SRC: variants seen among roughly 807,000 people sequenced by gnomAD.
SRC encodes the protein SRC proto-oncogene, non-receptor tyrosine kinase, also known as proto-oncogene tyrosine-protein kinase Src.
SRC carries 13 observed loss-of-function variants against 62.9 expected under a neutral mutation model. The observed-to-expected ratio is 0.21, with a 90% CI of 0.13 to 0.33. The LOEUF is 0.33. SRC is among the 10% of genes least tolerant of loss of function. The probability of loss-of-function intolerance (pLI) is 1.00; values close to 1 mark genes in which losing one functional copy is unlikely to be tolerated. For missense variants in SRC, 457 were observed against 737.3 expected (o/e 0.62, Z 4.40); for synonymous variants, 302 against 317.5 (o/e 0.95, Z 0.52).
chr20:37,388,052 A>G (rs1054562461), intron 5 of SRC, among the ~76,000 whole-genome samples: 2 of 152,240 alleles, frequency 1.3e-5, no homozygotes, highest in African/African-American at 4.8e-5. Flanking sequence ...GAGGTGCAGC[A>G]GAGGCCACAG....
intron 1 of SRC, among the ~76,000 whole-genome samples, chr20:37,358,701 C>G (rs2069920797): frequency 6.6e-6 from 1 of 152,226 alleles, no homozygotes; most frequent in South Asian, 2.1e-4. Flanking sequence ...GAAGAGCGGT[C>G]AGGGCTGGGA....
intron 2 of SRC, among the ~76,000 whole-genome samples, chr20:37,368,447 A>G (rs556331405): frequency 1.4e-5 from 2 of 142,988 alleles, no homozygotes; most frequent in South Asian, 4.7e-4. Context: ...ACAAACAAAC[A>G]CAAATAAACC....
chr20:37,388,590 A>G (rs924290166), intron 5 of SRC, among the ~76,000 whole-genome samples: 3 of 152,192 alleles, frequency 2.0e-5, no homozygotes, highest in African/African-American at 7.2e-5. Flanking sequence ...TACAAAATAT[A>G]AAAATAAATT....
chr20:37,405,229 C>G lies in SRC; in HGVS notation c.*1850C>G, dbSNP rs1466176034. On this transcript the variant is annotated 3_prime_UTR_variant, in exon 14 of 14. Coordinates refer to ENST00000373578, the MANE Select transcript of SRC (RefSeq NM_198291.3). The stretch of plus-strand genomic sequence containing the variant: ...TTTGTGTAAGGTGTCTTAATACTGT[C>G]CTTTTTTTTTTTTTAACAGTGTTTT... The G allele has an allele frequency of 1.4e-5, 3 of 211,054 alleles. No homozygotes were observed. The highest frequency in any genetic ancestry group is 2.8e-5 in the Non-Finnish European group (3 of 108,318). 13.1% of individuals were successfully genotyped at this position (211,054 alleles called of 1,614,324 possible). A position where few individuals can be genotyped will look rare whatever the true frequency, so the allele number is the denominator to read the frequency against.
At chr20:37,385,993 C>G in intron 4 of SRC, 82 bp from the exon 5 acceptor site, 6 of 1,112,340 alleles carry the variant, frequency 5.4e-6, no homozygotes, top group Non-Finnish European at 8.1e-6. Context: ...CAAATCCACT[C>G]CTCCTGGGTA....
intron 2 of SRC, among the ~76,000 whole-genome samples, chr20:37,373,187 T>C (rs780251819): frequency 9.9e-5 from 15 of 150,960 alleles, no homozygotes; most frequent in East Asian, 1.9e-4. Flanking sequence ...CATACACATG[T>C]ATACATATAT....
rs554565978 is a variant in SRC at position 37,394,040 on chromosome 20, C to G, written c.449+47C>G. 1.9e-6 allele frequency: 3 copies of G among 1,586,466 alleles called. No individual in the cohort carries two copies. The African/African-American group carries it at 4.0e-5, about 21-fold the overall frequency. Reference sequence around the variant, plus strand: ...CTCTACCCGTCGTCCCTGGACACTGCCGGTGCAGAGTGCCTCTCCTGGGCT... The same window carrying G: ...CTCTACCCGTCGTCCCTGGACACTGGCGGTGCAGAGTGCCTCTCCTGGGCT... On this transcript the variant is annotated intron_variant, in intron 6 of 13. Coordinates refer to ENST00000373578, the MANE Select transcript of SRC (RefSeq NM_198291.3).
chr20:37,374,889 T>C (rs576584354), intron 2 of SRC, among the ~76,000 whole-genome samples: 130 of 151,644 alleles, frequency 8.6e-4, no homozygotes, highest in African/African-American at 3.1e-3. Flanking sequence ...ATAATACTCT[T>C]ACCTTCTCTT....
In SRC at chr20:37,402,938, T is replaced by G; in HGVS notation, c.1402+58T>G. 3.2e-6 allele frequency: 5 copies of G among 1,567,296 alleles called. No homozygotes were observed. Among genetic ancestry groups the G allele is most frequent in the Non-Finnish European group, 4.3e-6 (5 of 1,158,432 alleles). Reference sequence around the variant, plus strand: ...CTGAATCCCTCTGCCCTGGTGGCCTTGGGCAAGTCATGACTCCTGCTGGGC... The same window carrying G: ...CTGAATCCCTCTGCCCTGGTGGCCTGGGGCAAGTCATGACTCCTGCTGGGC... On this transcript the variant is annotated intron_variant, in intron 13 of 13. Coordinates refer to ENST00000373578, the MANE Select transcript of SRC (RefSeq NM_198291.3). The surrounding 1 kb of genome is among the most constrained non-coding windows in gnomAD (Gnocchi z 6.2).
chr20:37,396,118 G>A lies in SRC; in HGVS notation c.554-44G>A, dbSNP rs764225167. On this transcript the variant is annotated intron_variant, in intron 7 of 13. Transcript: ENST00000373578. This position sits in a 1 kb window ranked among gnomAD's most constrained non-coding sequence, Gnocchi z 6.1. ...CGGTGTCCAGAGCAGCGGCCTGCGG[G>A]GGGAGAGGGCATGGCGGTCACGGCT... 6.2e-7 allele frequency: 1 copy of A among 1,600,344 alleles called. No homozygotes were observed. Among genetic ancestry groups the A allele is most frequent in the Non-Finnish European group, 8.5e-7 (1 of 1,175,244 alleles).
chr20:37,349,704 T>C (rs538616101), intron 1 of SRC, among the ~76,000 whole-genome samples: 1 of 152,152 alleles, frequency 6.6e-6, no homozygotes, highest in Admixed American at 6.5e-5. Context: ...TCTCATGGAG[T>C]CTGAAGGTGC....
chr20:37,359,234 C>T (rs1278737344), intron 1 of SRC, among the ~76,000 whole-genome samples: 3 of 152,222 alleles, frequency 2.0e-5, no homozygotes, highest in East Asian at 1.9e-4. Flanking sequence ...GGGGCCCATC[C>T]GTCGGTCTAT....
intron 3 of SRC, among the ~76,000 whole-genome samples, chr20:37,383,497 C>T (rs183083594): frequency 2.3e-4 from 35 of 151,952 alleles, no homozygotes; most frequent in African/African-American, 7.7e-4. Flanking sequence ...GGGACATAGG[C>T]GTGGCTCAGA....
intron 1 of SRC, among the ~76,000 whole-genome samples, chr20:37,348,858 A>C (rs944034857): frequency 1.3e-5 from 2 of 152,146 alleles, no homozygotes; most frequent in Non-Finnish European, 2.9e-5. Flanking sequence ...CCAGGCATGG[A>C]GTTAGGGAAA....
At chr20:37,356,159 G>A (rs527913702) in intron 1 of SRC, among the ~76,000 whole-genome samples, 5 of 152,302 alleles carry the variant, frequency 3.3e-5, no homozygotes, top group South Asian at 4.1e-4. Flanking sequence ...ACTTCCTGGG[G>A]GAGGAGGTAC....
In SRC at chr20:37,405,023, G is replaced by A. The variant is rs2070806080; in HGVS notation, c.*1644G>A. 4.3e-6 allele frequency: 1 copy of A among 232,270 alleles called. No individual in the cohort carries two copies. Among genetic ancestry groups the A allele is most frequent in the Admixed American group, 5.7e-5 (1 of 17,582 alleles). 14.4% of individuals were successfully genotyped at this position (232,270 alleles called of 1,614,324 possible). ...TAGCAATAACATTCCCACTGCCAGG[G>A]GTTCTTGAGCCAGCCAGGCCCTGCC... On this transcript the variant is annotated 3_prime_UTR_variant, in exon 14 of 14. Transcript: ENST00000373578.
intron 5 of SRC, among the ~76,000 whole-genome samples, chr20:37,389,472 C>T (rs1865007461): frequency 6.6e-6 from 1 of 152,200 alleles, no homozygotes; most frequent in Non-Finnish European, 1.5e-5. Context: ...GAGACCTGTG[C>T]TGGCTTCACC....
chr20:37,400,330 A>G (rs981257570), intron 10 of SRC, 36 bp downstream of exon 10: 2 of 1,564,916 alleles, frequency 1.3e-6, no homozygotes, highest in Middle Eastern at 1.8e-4. Flanking sequence ...GGGCAGGGGC[A>G]CTCCGGACAG....
intron 3 of SRC, among the ~76,000 whole-genome samples, chr20:37,383,454 C>T (rs1407050225): frequency 2.0e-5 from 3 of 152,170 alleles, no homozygotes; most frequent in Non-Finnish European, 4.4e-5. Flanking sequence ...TTCAACAAAC[C>T]CTCAATGAGC....
Sources: allele counts gnomAD v4.1 joint callset (sites outside exome capture counted in the v4.1 genomes callset), GRCh38; gene constraint gnomAD v4.1.1; non-coding constraint Gnocchi (gnomAD v3.1); transcripts MANE v1.5; gene names NCBI Gene and HGNC (gene_info 2026-07-23, HGNC 2026-07-21).